The following CELF2 variants were observed in gnomAD, a reference collection of about 807,000 sequenced individuals.
CELF2 encodes CUGBP Elav-like family member 2, also known as CUG triplet repeat RNA-binding protein 2.
A neutral mutation model predicts 62.6 loss-of-function variants in CELF2; 8 were observed. That is an observed-to-expected ratio of 0.13 (90% confidence interval 0.07 to 0.23). CELF2 has a LOEUF of 0.23. Ranked by LOEUF, CELF2 falls within the 10% of genes least tolerant of loss-of-function variation. The probability of loss-of-function intolerance (pLI) is 1.00; values close to 1 mark genes in which losing one functional copy is unlikely to be tolerated. For missense variants in CELF2, 333 were observed against 671.0 expected (o/e 0.50, Z 5.56); for synonymous variants, 258 against 250.0 (o/e 1.03, Z -0.30).
At chr10:10,853,626 G>C (rs1159468192) in intron 1 of CELF2, among the ~76,000 whole-genome samples, 1 of 151,672 alleles carries the variant, frequency 6.6e-6, no homozygotes, top group Non-Finnish European at 1.5e-5. Context: ...TTGCTCATGA[G>C]TAAAAGTCCA....
chr10:10,962,019 G>T (rs915066280), intron 2 of CELF2, among the ~76,000 whole-genome samples: 2 of 150,604 alleles, frequency 1.3e-5, no homozygotes, highest in Non-Finnish European at 3.0e-5. Flanking sequence ...CTTGAGGCCA[G>T]GAGTTCAGGA....
At position 11,203,831 on chromosome 10, in the gene CELF2, T is replaced by G. The variant is rs191286371; in HGVS notation, c.272-13594T>G. On this transcript the variant is annotated intron_variant, in intron 2 of 12. Coordinates refer to ENST00000633077, the MANE Select transcript of CELF2 (RefSeq NM_001326342.2). ...TGCCCCATGACCCGCGTTCTCACCA[T>G]GGAAACTCTTATCAAACCTAGTGGC... Among the ~76,000 whole-genome samples the G allele has an allele frequency of 1.1e-4, 16 of 152,336 alleles. No individual in the cohort carries two copies. In the East Asian group the frequency reaches 3.1e-3, roughly 29 times the overall value.
intron 2 of CELF2, among the ~76,000 whole-genome samples, chr10:11,180,821 G>A (rs1157492519): frequency 6.6e-6 from 1 of 152,148 alleles, no homozygotes; most frequent in Non-Finnish European, 1.5e-5. Context: ...ACTTAGCAAA[G>A]TAACACATCT....
At chr10:10,987,432 A>G (rs892464656) in intron 2 of CELF2, among the ~76,000 whole-genome samples, 2 of 152,132 alleles carry the variant, frequency 1.3e-5, no homozygotes, top group African/African-American at 4.8e-5. Context: ...ATATGTCACA[A>G]CAGCGCTGTA....
At chr10:10,966,347 G>A (rs567282292) in intron 2 of CELF2, among the ~76,000 whole-genome samples, 1 of 152,330 alleles carries the variant, frequency 6.6e-6, no homozygotes, top group East Asian at 1.9e-4. Context: ...GAGCTGAAGA[G>A]CTCGGGGATA....
intron 2 of CELF2, among the ~76,000 whole-genome samples, chr10:11,186,846 G>C (rs1171286670): frequency 6.6e-6 from 1 of 152,156 alleles, no homozygotes; most frequent in African/African-American, 2.4e-5. Flanking sequence ...ACCTGTATTT[G>C]AGAGGGGTAT....
At position 10,938,256 on chromosome 10, in the gene CELF2, A is replaced by G. The variant is rs887573892; in HGVS notation, c.89+18257A>G. Among the ~76,000 whole-genome samples, 5 of 152,242 alleles carry G rather than the reference A, an allele frequency of 3.3e-5. No individual in the cohort carries two copies. Among genetic ancestry groups the G allele is most frequent in the African/African-American group, 1.2e-4 (5 of 41,470 alleles). On this transcript the variant is annotated intron_variant, in intron 2 of 13. Transcript: ENST00000636488. This position sits in a 1 kb window ranked among gnomAD's most constrained non-coding sequence, Gnocchi z 4.2. ...TACCAAGAACAACTGGTTTGATTCA[A>G]GGTATTATATTATTTTGCAGTATAG... is the stretch of plus-strand genomic sequence containing the variant.
the CELF2 span, among the ~76,000 whole-genome samples, chr10:10,630,348 T>C: frequency 8.3e-4 from 127 of 152,332 alleles, no homozygotes; most frequent in Non-Finnish European, 1.5e-3. Context: ...CTTTTCTTCA[T>C]TGGGGGTTGT....
intron 2 of CELF2, among the ~76,000 whole-genome samples, chr10:11,203,052 G>C (rs965942718): frequency 6.6e-6 from 1 of 151,894 alleles, no homozygotes; most frequent in African/African-American, 2.4e-5. Flanking sequence ...ATCCAGGGAA[G>C]AAATAGGAGC....
chr10:11,274,428 A>G (rs2085166208), intron 7 of CELF2, among the ~76,000 whole-genome samples: 1 of 152,214 alleles, frequency 6.6e-6, no homozygotes, highest in Non-Finnish European at 1.5e-5. Context: ...GTTTTTGAAG[A>G]TTGACATTTA....
the CELF2 span, among the ~76,000 whole-genome samples, chr10:10,535,650 C>T: frequency 2.6e-5 from 4 of 152,144 alleles, no homozygotes; most frequent in Admixed American, 6.5e-5. Context: ...ACCCTGGAGG[C>T]GGAGGCTGCA....
chr10:11,176,271 G>C (rs1365670299), intron 2 of CELF2, among the ~76,000 whole-genome samples: 2 of 152,156 alleles, frequency 1.3e-5, no homozygotes, highest in African/African-American at 4.8e-5. Flanking sequence ...CCTTTCTGAG[G>C]GTTCTCCATT....
intron 2 of CELF2, chr10:10,944,312 A>G (rs2047399640): frequency 6.5e-6 from 1 of 152,692 alleles, no homozygotes; most frequent in African/African-American, 2.4e-5. Context: ...AGTTACTGGC[A>G]AAACATTTTG....
chr10:11,097,940 A>G (rs2050361255), intron 1 of CELF2: 2 of 152,242 alleles, frequency 1.3e-5, no homozygotes, highest in Non-Finnish European at 2.9e-5. Flanking sequence ...ATGACACCTC[A>G]TGCATGGAGT....
At chr10:10,505,383 A>G in the CELF2 span, among the ~76,000 whole-genome samples, 11 of 152,032 alleles carry the variant, frequency 7.2e-5, no homozygotes, top group African/African-American at 1.9e-4. Flanking sequence ...GGTGAGGGTG[A>G]CTTTATTACC....
chr10:10,636,914 C>T, the CELF2 span, among the ~76,000 whole-genome samples: 2 of 152,092 alleles, frequency 1.3e-5, no homozygotes, highest in African/African-American at 4.8e-5. Flanking sequence ...CCTATTAAGA[C>T]ACAAGTTTTT....
intron 2 of CELF2, among the ~76,000 whole-genome samples, chr10:11,181,392 G>A (rs2073325756): frequency 6.6e-6 from 1 of 152,222 alleles, no homozygotes. Context: ...TTAGCACAGT[G>A]TGTGGTAACC....
the CELF2 span, among the ~76,000 whole-genome samples, chr10:10,720,665 G>A: frequency 6.6e-6 from 1 of 152,162 alleles, no homozygotes; most frequent in Non-Finnish European, 1.5e-5. Flanking sequence ...AAGATAATAT[G>A]ACACTCTACA....
At chr10:10,813,598 GAACAT>G (rs1473328038) in intron 1 of CELF2, among the ~76,000 whole-genome samples, 1 of 152,152 alleles carries the variant, frequency 6.6e-6, no homozygotes, top group Admixed American at 6.5e-5. Context: ...TGTCGTTATT[GAACAT>G]AACATACATT....
Sources: gnomAD v4.1 joint callset for allele counts (sites outside exome capture counted in the v4.1 genomes callset) on GRCh38, gnomAD v4.1.1 for gene constraint, Gnocchi (gnomAD v3.1) non-coding constraint, MANE v1.5 for transcripts, NCBI Gene and HGNC (gene_info 2026-07-23, HGNC 2026-07-21) for gene names.